The following MSH3 variants were observed in gnomAD, a reference collection of about 807,000 sequenced individuals.
MSH3 encodes the protein mutS homolog 3, also known as DNA mismatch repair protein Msh3.
MSH3 carries 106 observed loss-of-function variants against 123.3 expected under a neutral mutation model. The ratio of observed to expected loss-of-function variants is 0.86; its 90% CI spans 0.73 to 1.01. The LOEUF is 1.01. Ranked by LOEUF, MSH3 falls within the 50% of genes least tolerant of loss-of-function variation. The pLI is 0.00. For missense variants in MSH3, 1,459 were observed against 1,347.6 expected, an observed-to-expected ratio of 1.08 and a Z score of -1.29; for synonymous variants, 515 against 481.4, an observed-to-expected ratio of 1.07 and a Z score of -0.91.
intron 8 of MSH3, among the ~76,000 whole-genome samples, chr5:80,715,878 G>T (rs1750950088): frequency 6.6e-6 from 1 of 152,132 alleles, no homozygotes; most frequent in Non-Finnish European, 1.5e-5. Flanking sequence ...CAGCACTGGG[G>T]ATTACAATTT....
At chr5:80,665,650 A>G (rs1031525397) in intron 3 of MSH3, among the ~76,000 whole-genome samples, 2 of 152,184 alleles carry the variant, frequency 1.3e-5, no homozygotes, top group Admixed American at 1.3e-4. Flanking sequence ...GGGATTCTTT[A>G]TTGAGAATTA....
At chr5:80,769,414 A>C (rs1298673341) in intron 15 of MSH3, among the ~76,000 whole-genome samples, 1 of 151,958 alleles carries the variant, frequency 6.6e-6, no homozygotes, top group African/African-American at 2.4e-5. Flanking sequence ...GCTTCCTCCT[A>C]AAGTTAAGAG....
chr5:80,808,882 T>TATATATATATATATATATATAG (rs1744953872), intron 19 of MSH3, among the ~76,000 whole-genome samples: 1 of 136,046 alleles, frequency 7.4e-6, no homozygotes. Context: ...TATATATATA[T>TATATATATATATATATATATAG]ACACAATCTA....
intron 3 of MSH3, among the ~76,000 whole-genome samples, chr5:80,668,308 C>A (rs1374358682): frequency 6.6e-6 from 1 of 152,160 alleles, no homozygotes; most frequent in African/African-American, 2.4e-5. Flanking sequence ...TCAGCCTGGC[C>A]CCCAGGCTTC....
chr5:80,822,458 A>G (rs1745218783), intron 20 of MSH3, among the ~76,000 whole-genome samples: 1 of 152,274 alleles, frequency 6.6e-6, no homozygotes, highest in East Asian at 1.9e-4. Flanking sequence ...ATTCTATGCC[A>G]TTAGTATTTT....
At position 80,813,664 on chromosome 5, in the gene MSH3, T is replaced by C; in HGVS notation, c.2736T>C (p.Ile912=). 6.2e-7 allele frequency: 1 copy of C among 1,614,126 alleles called. No individual in the cohort carries two copies. Among genetic ancestry groups the C allele is most frequent in the African/African-American group, 1.3e-5 (1 of 75,062 alleles). The change falls in exon 20 of 24, where the codon ATT becomes ATC. Residue 912 remains isoleucine, a synonymous_variant. Transcript: ENST00000265081. ...KSSYIKQVAL[I]TIMAQIGSYV... is the part of the protein sequence containing the mutation. The stretch of plus-strand genomic sequence containing the variant: ...CCTACATAAAACAAGTTGCATTGAT[T>C]ACCATCATGGCTCAGATTGGCTCCT...
intron 10 of MSH3, among the ~76,000 whole-genome samples, chr5:80,737,762 T>G (rs1033844565): frequency 6.6e-6 from 1 of 152,220 alleles, no homozygotes; most frequent in Non-Finnish European, 1.5e-5. Flanking sequence ...AGAATACGTA[T>G]AAATTTATAC....
intron 19 of MSH3, among the ~76,000 whole-genome samples, chr5:80,807,467 A>G (rs1312314192): frequency 1.3e-5 from 2 of 152,202 alleles, no homozygotes; most frequent in Admixed American, 6.5e-5. Flanking sequence ...TCAGGGAGTG[A>G]CAGAGGTCAT....
intron 20 of MSH3, among the ~76,000 whole-genome samples, chr5:80,823,741 C>A (rs892839316): frequency 2.6e-5 from 4 of 151,784 alleles, no homozygotes; most frequent in Admixed American, 1.3e-4. Flanking sequence ...GTGTTTCTCG[C>A]AGAGGGGGAT....
intron 8 of MSH3, among the ~76,000 whole-genome samples, chr5:80,713,601 T>C (rs998017801): frequency 6.6e-6 from 1 of 152,216 alleles, no homozygotes; most frequent in African/African-American, 2.4e-5. Flanking sequence ...TGTGGTTTTA[T>C]AATTTTTTAG....
Position 80,665,364 on chromosome 5 carries a change from G to GTA in MSH3, c.579+3_579+4dup, listed in dbSNP as rs1367866505. 2.5e-6 allele frequency: 4 copies of GTA among 1,606,258 alleles called. No homozygotes were observed. The highest frequency in any genetic ancestry group is 3.4e-6 in the Non-Finnish European group (4 of 1,175,150). On this transcript the variant is annotated splice_donor_variant, in intron 3 of 23. Transcript: ENST00000265081. LOFTEE classifies it high-confidence loss of function. ...TTCGAAACGTCAAATTAATCAAAAG[G>GTA]TATGTAACTGCTATAGATGAGTATC...
chr5:80,815,559 T>C (rs1224314058), intron 20 of MSH3, among the ~76,000 whole-genome samples: 1 of 152,214 alleles, frequency 6.6e-6, no homozygotes, highest in Non-Finnish European at 1.5e-5. Flanking sequence ...TTTCAGTGGC[T>C]CTGCCATTTC....
At chr5:80,745,109 A>G (rs1743691203) in intron 12 of MSH3, among the ~76,000 whole-genome samples, 1 of 152,174 alleles carries the variant, frequency 6.6e-6, no homozygotes, top group Non-Finnish European at 1.5e-5. Flanking sequence ...TAGAGTGAGT[A>G]AAGTTGGAGC....
intron 12 of MSH3, among the ~76,000 whole-genome samples, chr5:80,753,337 T>C (rs1743869413): frequency 6.6e-6 from 1 of 152,160 alleles, no homozygotes; most frequent in Non-Finnish European, 1.5e-5. Flanking sequence ...TTTCTTTTCC[T>C]GAATCTGGTA....
At chr5:80,829,280 A>G (rs1273236869) in intron 20 of MSH3, among the ~76,000 whole-genome samples, 1 of 152,164 alleles carries the variant, frequency 6.6e-6, no homozygotes, top group Non-Finnish European at 1.5e-5. Context: ...GTTGAAAAGG[A>G]GTGGTAAGAG....
At chr5:80,699,192 G>A (rs1048964843) in intron 8 of MSH3, among the ~76,000 whole-genome samples, 1 of 152,158 alleles carries the variant, frequency 6.6e-6, no homozygotes, top group Non-Finnish European at 1.5e-5. Context: ...GTGATGTTTA[G>A]AATAAAGAGA....
At chr5:80,785,911 T>C (rs1390808940) in intron 17 of MSH3, among the ~76,000 whole-genome samples, 1 of 150,684 alleles carries the variant, frequency 6.6e-6, no homozygotes, top group African/African-American at 2.4e-5. Context: ...AAACACCACA[T>C]GTTCTTACTC....
chr5:80,795,779 G>A (rs1007493123), intron 19 of MSH3, among the ~76,000 whole-genome samples: 4 of 152,012 alleles, frequency 2.6e-5, no homozygotes, highest in African/African-American at 7.2e-5. Context: ...TTGAGAGGCC[G>A]AGGCAGGAGG....
intron 11 of MSH3, 87 bp from the exon 12 acceptor site, chr5:80,744,419 A>G (rs923541730): frequency 4.4e-6 from 4 of 913,448 alleles, no homozygotes; most frequent in East Asian, 5.2e-5. Context: ...CTAGGTATAT[A>G]TGACATTTAG....
Sources: allele counts gnomAD v4.1 joint callset (sites outside exome capture counted in the v4.1 genomes callset), GRCh38; gene constraint gnomAD v4.1.1; transcripts MANE v1.5; gene names NCBI Gene and HGNC (gene_info 2026-07-23, HGNC 2026-07-21).